Variants in HIVEP1 observed in about 807,000 individuals in gnomAD.
HIVEP1 encodes the protein HIVEP zinc finger 1, also known as zinc finger protein 40.
HIVEP1 carries 36 observed loss-of-function variants against 180.0 expected under a neutral mutation model. That is an observed-to-expected ratio of 0.20 (90% CI 0.15 to 0.26). The LOEUF is 0.26. HIVEP1 is among the 10% of genes least tolerant of loss of function. The probability of loss-of-function intolerance (pLI) is 1.00; values close to 1 mark genes in which losing one functional copy is unlikely to be tolerated. For synonymous variants in HIVEP1, 1,239 were observed against 1,239.0 expected, an observed-to-expected ratio of 1.00 and a Z score of 0.00; for missense variants, 3,143 against 3,268.7, an observed-to-expected ratio of 0.96 and a Z score of 0.94.
At chr6:12,012,171 C>A (rs1250457735), upstream of HIVEP1, 2 of 142,606 alleles carry the variant, frequency 1.4e-5, no homozygotes, top group South Asian at 2.0e-4. Context: ...CGGCCGCGAT[C>A]ATGCCGTGGC....
chr6:12,146,472 A>G (rs1430755348), intron 7 of HIVEP1, among the ~76,000 whole-genome samples: 2 of 152,192 alleles, frequency 1.3e-5, no homozygotes, highest in Admixed American at 6.5e-5. Flanking sequence ...GTAATTAGAT[A>G]TAATCGTTTT....
At chr6:12,017,549 CG>C (rs1000575953) in intron 2 of HIVEP1, among the ~76,000 whole-genome samples, 20 of 152,314 alleles carry the variant, frequency 1.3e-4, no homozygotes, top group African/African-American at 4.8e-4. Context: ...CTGCTGCCTC[CG>C]GCAGCCTGCT....
chr6:12,121,455 T>C lies in HIVEP1; in HGVS notation c.1660T>C (p.Ser554Pro), dbSNP rs1757651272. 6.2e-7 allele frequency: 1 copy of C among 1,614,152 alleles called. No homozygotes were observed. Residue 554 changes from serine (S) to proline (P), a missense_variant, in exon 4 of 9, where the codon TCA becomes CCA. Ser to Pro is a moderately conservative substitution (Grantham distance 74). Transcript: ENST00000379388. The surrounding 1 kb of genome is among the most constrained non-coding windows in gnomAD (Gnocchi z 5.3). ...TTTGCTACAGGACAGATCTGCAGAA[T>C]CACAAGCTGTGACAGAGTTACCGAA... The part of the protein sequence containing the change: ...DFLLQDRSAE[S>P]QAVTELPKVV...
At chr6:12,059,572 C>T (rs1581601098) in intron 2 of HIVEP1, among the ~76,000 whole-genome samples, 1 of 152,202 alleles carries the variant, frequency 6.6e-6, no homozygotes, top group East Asian at 1.9e-4. Flanking sequence ...TGCCACATCC[C>T]TCCGGTGGTG....
chr6:12,143,062 C>A (rs184047996), intron 7 of HIVEP1, among the ~76,000 whole-genome samples: 1 of 152,278 alleles, frequency 6.6e-6, no homozygotes, highest in Admixed American at 6.5e-5. Flanking sequence ...GATACCAAAG[C>A]CTGGCAGAGA....
At chr6:12,148,117 A>G (rs772305874) in intron 7 of HIVEP1, among the ~76,000 whole-genome samples, 6 of 152,252 alleles carry the variant, frequency 3.9e-5, no homozygotes, top group Non-Finnish European at 7.3e-5. Flanking sequence ...TATATTAGAC[A>G]TACAGTAGGA....
intron 2 of HIVEP1, among the ~76,000 whole-genome samples, chr6:12,041,552 C>T (rs1769726702): frequency 6.6e-6 from 1 of 150,478 alleles, no homozygotes. Flanking sequence ...TGTAGACATC[C>T]TTCATGTCCT....
At chr6:12,130,999 A>G (rs1416115347) in intron 6 of HIVEP1, 57 bp downstream of exon 6, 1 of 1,291,134 alleles carries the variant, frequency 7.7e-7, no homozygotes, top group Non-Finnish European at 1.1e-6. Flanking sequence ...TGGGAAAGCT[A>G]AAACCCAACT....
chr6:12,204,076 G>GAA, the HIVEP1 span, among the ~76,000 whole-genome samples: 13 of 143,958 alleles, frequency 9.0e-5, no homozygotes, highest in East Asian at 4.1e-4. Context: ...AACTCCATCT[G>GAA]AAAAAAAAAA....
chr6:12,146,658 C>G (rs1171961668), intron 7 of HIVEP1, among the ~76,000 whole-genome samples: 2 of 152,076 alleles, frequency 1.3e-5, no homozygotes, highest in African/African-American at 2.4e-5. Context: ...GAAGGTAATT[C>G]AAGTTTTTTG....
chr6:12,144,133 C>T (rs1393481692), intron 7 of HIVEP1, among the ~76,000 whole-genome samples: 1 of 152,170 alleles, frequency 6.6e-6, no homozygotes, highest in African/African-American at 2.4e-5. Context: ...TCAAACTATA[C>T]GACAAGGCTA....
chr6:12,211,432 A>T, the HIVEP1 span, among the ~76,000 whole-genome samples: 2 of 147,674 alleles, frequency 1.4e-5, no homozygotes, highest in African/African-American at 5.0e-5. Flanking sequence ...AAAAAAGAGT[A>T]CTTTGAATAA....
intron 6 of HIVEP1, 38 bp from the exon 7 acceptor site, chr6:12,135,753 A>T: frequency 7.5e-7 from 1 of 1,335,092 alleles, no homozygotes; most frequent in Non-Finnish European, 1.1e-6. Context: ...TAGCAAAATC[A>T]TACTACTTAA....
intron 2 of HIVEP1, among the ~76,000 whole-genome samples, chr6:12,033,944 T>A (rs1157672330): frequency 6.6e-6 from 1 of 152,162 alleles, no homozygotes; most frequent in East Asian, 1.9e-4. Context: ...GATTCAGGGC[T>A]CATTTGTTGT....
In HIVEP1 at chr6:12,087,434, G is replaced by A. The variant is rs1773182922; in HGVS notation, c.41-1750G>A. 2.0e-5 allele frequency among the ~76,000 whole-genome samples: 3 copies of A among 152,126 alleles called. No homozygotes were observed. The South Asian group carries it at 6.2e-4, about 32-fold the overall frequency. Reference sequence around the variant, plus strand: ...ACTATTAAGCACAGTTGTTACTACTGTGAATATATAATACATATATATTAT... The same window carrying A: ...ACTATTAAGCACAGTTGTTACTACTATGAATATATAATACATATATATTAT... On this transcript the variant is annotated intron_variant, in intron 2 of 8. Transcript: ENST00000379388.
At chr6:12,045,734 G>T (rs1770077108) in intron 2 of HIVEP1, among the ~76,000 whole-genome samples, 1 of 152,186 alleles carries the variant, frequency 6.6e-6, no homozygotes, top group Non-Finnish European at 1.5e-5. Context: ...TGGTGACAAA[G>T]CTCAAACCTC....
Position 12,125,076 on chromosome 6 carries a change from C to T in HIVEP1, c.5281C>T (p.His1761Tyr), listed in dbSNP as rs367916690. ...ANSLDIAMEK[H>Y]QKRAKDENGA... The stretch of plus-strand genomic sequence containing the variant: ...TAGTTTAGACATTGCCATGGAAAAG[C>T]ACCAGAAGCGGGCCAAAGATGAAAA... Residue 1761 changes from histidine (H) to tyrosine (Y), a missense_variant, in exon 4 of 9, where the codon CAC becomes TAC. By Grantham distance (83) the His-to-Tyr change is moderately conservative (BLOSUM62 2). Coordinates refer to ENST00000379388, the MANE Select transcript of HIVEP1 (RefSeq NM_002114.4). 1.1e-5 allele frequency: 18 copies of T among 1,613,750 alleles called. No homozygotes were observed. Among genetic ancestry groups the T allele is most frequent in the Non-Finnish European group, 9.3e-6 (11 of 1,179,974 alleles).
chr6:12,117,755 A>G (rs929791191), intron 3 of HIVEP1, among the ~76,000 whole-genome samples: 3 of 152,218 alleles, frequency 2.0e-5, no homozygotes, highest in African/African-American at 7.2e-5. Context: ...TTTTAAGTCC[A>G]TGGTGTTTCA....
intron 2 of HIVEP1, among the ~76,000 whole-genome samples, chr6:12,041,279 G>A (rs997419658): frequency 2.6e-5 from 4 of 151,892 alleles, no homozygotes; most frequent in East Asian, 1.9e-4. Context: ...AACACTAGCC[G>A]GGCATGGTGG....
Sources: allele counts gnomAD v4.1 joint callset (sites outside exome capture counted in the v4.1 genomes callset), GRCh38; gene constraint gnomAD v4.1.1; non-coding constraint Gnocchi (gnomAD v3.1); transcripts MANE v1.5; gene names NCBI Gene and HGNC (gene_info 2026-07-23, HGNC 2026-07-21).